CUX1: variants seen among roughly 807,000 people sequenced by gnomAD.
CUX1 encodes the protein cut like homeobox 1.
A neutral mutation model predicts 158.8 loss-of-function variants in CUX1; 31 were observed. The observed-to-expected ratio is 0.20, with a 90% CI of 0.15 to 0.26. The LOEUF (loss-of-function observed/expected upper bound fraction) is 0.26, where lower values mean the gene tolerates loss of function less well. Among genes scored for constraint, CUX1 ranks in the 10% least tolerant of loss-of-function variants. The pLI is 1.00. For missense variants in CUX1, 1,589 were observed against 2,014.6 expected, an observed-to-expected ratio of 0.79 and a Z score of 4.04; for synonymous variants, 879 against 862.1, an observed-to-expected ratio of 1.02 and a Z score of -0.34.
intron 13 of CUX1, among the ~76,000 whole-genome samples, chr7:102,194,687 G>A (rs1246588738): frequency 1.3e-5 from 2 of 151,950 alleles, no homozygotes; most frequent in Admixed American, 6.6e-5. Context: ...AGGTACAAGG[G>A]AAGGATGACT....
chr7:101,828,629 C>A lies in CUX1; in HGVS notation c.30+10960C>A, dbSNP rs573877054. On this transcript the variant is annotated intron_variant, in intron 1 of 23. Transcript: ENST00000292535. ...CTCACGTCTGCCTTGTCCCCCAGAC[C>A]CCGTCCCTGTGTCTGGGCAAAGGCA... Among the ~76,000 whole-genome samples, 39 of 152,304 alleles carry A rather than the reference C, an allele frequency of 2.6e-4. 1 individual carries two copies. In the South Asian group the frequency reaches 6.0e-3, roughly 23 times the overall value.
chr7:102,135,471 C>A (rs1833799742), intron 8 of CUX1, among the ~76,000 whole-genome samples: 1 of 151,248 alleles, frequency 6.6e-6, no homozygotes, highest in African/African-American at 2.4e-5. Flanking sequence ...GGGAGGGGGG[C>A]CAGACACACT....
At chr7:102,001,382 T>C (rs1378473201) in intron 2 of CUX1, among the ~76,000 whole-genome samples, 1 of 151,820 alleles carries the variant, frequency 6.6e-6, no homozygotes, top group Non-Finnish European at 1.5e-5. Context: ...CTTGCTCTCT[T>C]GCCCAGGCTG....
intron 4 of CUX1, among the ~76,000 whole-genome samples, chr7:102,074,102 G>A (rs1056408403): frequency 6.6e-6 from 1 of 152,142 alleles, no homozygotes; most frequent in African/African-American, 2.4e-5. Context: ...TTACAGGAAG[G>A]GCCCGGTCAA....
chr7:102,197,079 C>A lies in CUX1; in HGVS notation c.1668C>A (p.Ile556=). The A allele has an allele frequency of 6.2e-7, 1 of 1,614,228 alleles. No individual in the cohort carries two copies. The highest frequency in any genetic ancestry group is 8.5e-7 in the Non-Finnish European group (1 of 1,180,040). The change falls in exon 15 of 24, where the codon ATC becomes ATA. Residue 556 remains isoleucine, a synonymous_variant. Transcript: ENST00000292535. ...SEGEEMDTAE[I]ARQVKEQLIK... Reference sequence around the variant, plus strand: ...GCGAGGAGATGGACACTGCAGAAATCGCCCGGCAGGTCAAAGAGCAGCTGA... The same window carrying A: ...GCGAGGAGATGGACACTGCAGAAATAGCCCGGCAGGTCAAAGAGCAGCTGA...
At position 102,257,978 on chromosome 7, in the gene CUX1, T is replaced by C; in HGVS notation, c.*8936T>C. On this transcript the variant is annotated 3_prime_UTR_variant, in exon 24 of 24. Coordinates refer to ENST00000292535, the MANE Select transcript of CUX1 (RefSeq NM_181552.4). ...GTGACATCTCTCTGGTAACATTTTA[T>C]TTCTTGCTATTTGTTTTTCTACATT... The C allele has an allele frequency of 1.0e-6, 1 of 984,856 alleles. No individual in the cohort carries two copies. Among genetic ancestry groups the C allele is most frequent in the Non-Finnish European group, 1.2e-6 (1 of 829,816 alleles). 61.0% of individuals were successfully genotyped at this position (984,856 alleles called of 1,614,324 possible).
At chr7:102,026,997 G>A (rs542560940) in intron 2 of CUX1, among the ~76,000 whole-genome samples, 2 of 151,926 alleles carry the variant, frequency 1.3e-5, no homozygotes, top group South Asian at 2.1e-4. Flanking sequence ...CTGGTGTTTC[G>A]AAATGGGCAC....
At chr7:101,930,126 G>A (rs1376190157) in intron 2 of CUX1, among the ~76,000 whole-genome samples, 3 of 152,302 alleles carry the variant, frequency 2.0e-5, no homozygotes, top group Middle Eastern at 3.4e-3. Flanking sequence ...ACAGGCATGC[G>A]TCACCACGCC....
intron 2 of CUX1, among the ~76,000 whole-genome samples, chr7:102,026,639 G>A (rs1281176662): frequency 6.6e-6 from 1 of 151,630 alleles, no homozygotes; most frequent in Non-Finnish European, 1.5e-5. Flanking sequence ...AGCCAACATG[G>A]TGAAACCCCG....
chr7:102,157,473 G>A (rs552742604), intron 8 of CUX1, among the ~76,000 whole-genome samples: 5 of 152,222 alleles, frequency 3.3e-5, no homozygotes, highest in South Asian at 4.2e-4. Context: ...GGAGTTGGCC[G>A]TGCCCTTCTC....
At chr7:102,259,112 T>C (rs1337823032), downstream of CUX1, among the ~76,000 whole-genome samples, 2 of 152,188 alleles carry the variant, frequency 1.3e-5, no homozygotes, top group Non-Finnish European at 2.9e-5. Flanking sequence ...CGTAAGCCCC[T>C]CTCCCAATTC....
chr7:101,960,323 G>T (rs1222293863), intron 2 of CUX1: 1 of 152,298 alleles, frequency 6.6e-6, no homozygotes, highest in Admixed American at 6.5e-5. Context: ...TGCTATGGAA[G>T]TCCTGGCTTC....
At chr7:102,148,649 TATATA>T (rs1835267916) in intron 8 of CUX1, among the ~76,000 whole-genome samples, 1 of 149,026 alleles carries the variant, frequency 6.7e-6, no homozygotes, top group African/African-American at 2.4e-5. Context: ...TAAATGTATA[TATATA>T]ATGTATTTTA....
chr7:101,884,210 G>A (rs962997089), intron 1 of CUX1, among the ~76,000 whole-genome samples: 1 of 152,174 alleles, frequency 6.6e-6, no homozygotes, highest in African/African-American at 2.4e-5. Context: ...TAGTTATTGT[G>A]GATACATAAT....
intron 8 of CUX1, among the ~76,000 whole-genome samples, chr7:102,141,789 ATTT>A (rs71123009): frequency 2.9e-3 from 296 of 102,564 alleles, no homozygotes; most frequent in African/African-American, 0.011. Context: ...CTCTCAGCTA[ATTT>A]TTTTTTTTTT....
chr7:102,159,006 G>T (rs55825712), intron 9 of CUX1, among the ~76,000 whole-genome samples: 2 of 151,438 alleles, frequency 1.3e-5, no homozygotes, highest in African/African-American at 4.9e-5. Context: ...GTTATCCTAG[G>T]AGAGTTCCTT....
intron 4 of CUX1, among the ~76,000 whole-genome samples, chr7:102,079,228 A>G (rs1827097099): frequency 6.6e-6 from 1 of 152,162 alleles, no homozygotes; most frequent in African/African-American, 2.4e-5. Flanking sequence ...ACCTGAGGTC[A>G]GGAGTTCAAG....
At chr7:101,884,086 G>C (rs1056963440) in intron 1 of CUX1, among the ~76,000 whole-genome samples, 1 of 151,642 alleles carries the variant, frequency 6.6e-6, no homozygotes, top group Admixed American at 6.6e-5. Context: ...TTTGCTAGGG[G>C]GTCTCGCTGA....
chr7:101,938,524 T>C (rs551494042), intron 2 of CUX1, among the ~76,000 whole-genome samples: 12 of 152,304 alleles, frequency 7.9e-5, no homozygotes, highest in African/African-American at 2.4e-4. Context: ...AAAAGTCAGA[T>C]TTACACTCAG....
Sources: gnomAD v4.1 joint callset for allele counts (sites outside exome capture counted in the v4.1 genomes callset) on GRCh38, gnomAD v4.1.1 for gene constraint, MANE v1.5 for transcripts, NCBI Gene and HGNC (gene_info 2026-07-23, HGNC 2026-07-21) for gene names.